RALGAPB: variants seen among roughly 807,000 people sequenced by gnomAD.
RALGAPB encodes the protein Ral GTPase activating protein non-catalytic subunit beta.
A neutral mutation model predicts 161.1 loss-of-function variants in RALGAPB; 25 were observed. That is an observed-to-expected ratio of 0.16 (90% CI 0.11 to 0.22). The LOEUF (loss-of-function observed/expected upper bound fraction) is 0.22, where lower values mean the gene tolerates loss of function less well. RALGAPB is among the 10% of genes least tolerant of loss of function. The probability of loss-of-function intolerance (pLI) is 1.00; values close to 1 mark genes in which losing one functional copy is unlikely to be tolerated. For missense variants in RALGAPB, 1,391 were observed against 1,815.2 expected (o/e 0.77, Z 4.25); for synonymous variants, 629 against 626.1 (o/e 1.00, Z -0.07).
intron 26 of RALGAPB, chr20:38,569,581 A>G (rs1395188547): frequency 4.1e-6 from 1 of 242,798 alleles, no homozygotes; most frequent in Non-Finnish European, 8.2e-6. Flanking sequence ...ATAGACTCAA[A>G]TCTTTTAAGC....
chr20:38,544,022 G>GT (rs1162710441), intron 18 of RALGAPB, among the ~76,000 whole-genome samples: 3 of 152,086 alleles, frequency 2.0e-5, no homozygotes, highest in East Asian at 1.9e-4. Flanking sequence ...AGCTGGTTAG[G>GT]TTTTTTTTCC....
chr20:38,517,242 A>G (rs1371408299), intron 7 of RALGAPB, among the ~76,000 whole-genome samples: 3 of 152,190 alleles, frequency 2.0e-5, no homozygotes, highest in Non-Finnish European at 2.9e-5. Context: ...ACAGTCACCA[A>G]CTTCTTTATG....
chr20:38,483,837 G>A (rs1033000909), intron 1 of RALGAPB, among the ~76,000 whole-genome samples: 7 of 152,132 alleles, frequency 4.6e-5, no homozygotes, highest in African/African-American at 1.4e-4. Context: ...GGATCTCCAA[G>A]GTTTGTTGCT....
rs537819536 is a variant in RALGAPB at position 38,559,414 on chromosome 20, G to A, written c.3531+961G>A. On this transcript the variant is annotated intron_variant, in intron 23 of 29. Transcript: ENST00000262879. ...ATAAAGGAGAAAAACAGAAGGACTG[G>A]CCGGGTGTGGTGGCTCACGCCTGTA... 2.6e-5 allele frequency among the ~76,000 whole-genome samples: 4 copies of A among 152,350 alleles called. No homozygotes were observed. In the East Asian group the frequency reaches 7.7e-4, roughly 29 times the overall value.
At position 38,493,043 on chromosome 20, in the gene RALGAPB, A is replaced by G. The variant is rs765520894; in HGVS notation, c.300A>G (p.Pro100=). ...YTDWIMALVL[P]KDSIPLPVIK... is the part of the protein sequence containing the mutation. The stretch of plus-strand genomic sequence containing the variant: ...ACTGGATTATGGCTTTAGTGTTGCC[A>G]AAAGATTCTATTCCATTGCCAGTTA... Residue 100 remains proline, a synonymous_variant, in exon 3 of 30, where the codon CCA becomes CCG. Transcript: ENST00000262879. 3.7e-6 allele frequency: 6 copies of G among 1,611,620 alleles called. No homozygotes were observed. The highest frequency in any genetic ancestry group is 4.2e-6 in the Non-Finnish European group (5 of 1,178,006).
At chr20:38,558,584 G>C (rs911882288) in intron 23 of RALGAPB, 131 bp downstream of exon 23, 2 of 780,886 alleles carry the variant, frequency 2.6e-6, no homozygotes, top group African/African-American at 3.6e-5. Flanking sequence ...CCTGGGAAGT[G>C]CTGGAAAGTG....
intron 28 of RALGAPB, among the ~76,000 whole-genome samples, chr20:38,573,469 G>A (rs2088316953): frequency 6.6e-6 from 1 of 152,106 alleles, no homozygotes; most frequent in Non-Finnish European, 1.5e-5. Context: ...CCTATCCCTG[G>A]TGTGTAATGA....
At chr20:38,553,254 C>G (rs550576654) in intron 21 of RALGAPB, among the ~76,000 whole-genome samples, 222 of 152,252 alleles carry the variant, frequency 1.5e-3, no homozygotes, top group Non-Finnish European at 2.3e-3. Context: ...AGGATCGTTA[C>G]TCACCCGGGA....
At chr20:38,549,577 CAT>C (rs1258660393) in intron 20 of RALGAPB, among the ~76,000 whole-genome samples, 31 of 75,276 alleles carry the variant, frequency 4.1e-4, no homozygotes, top group African/African-American at 7.4e-4. Flanking sequence ...CACACACACA[CAT>C]ACATATACAC....
At chr20:38,487,000 G>A (rs980705537) in intron 1 of RALGAPB, among the ~76,000 whole-genome samples, 2 of 152,154 alleles carry the variant, frequency 1.3e-5, no homozygotes, top group African/African-American at 4.8e-5. Flanking sequence ...ATGAGCTAAT[G>A]GCAGCTTTAT....
chr20:38,556,524 A>T (rs1023073394), intron 22 of RALGAPB, among the ~76,000 whole-genome samples: 2 of 152,148 alleles, frequency 1.3e-5, no homozygotes, highest in African/African-American at 4.8e-5. Flanking sequence ...TACAAAAATT[A>T]ATGATTATGT....
At chr20:38,523,489 T>C (rs1348365214) in intron 10 of RALGAPB, among the ~76,000 whole-genome samples, 1 of 152,212 alleles carries the variant, frequency 6.6e-6, no homozygotes. Flanking sequence ...AACAGATTCA[T>C]GAGAGGGCAA....
In RALGAPB at chr20:38,541,155, A is replaced by G; in HGVS notation, c.2677A>G (p.Met893Val). ...KGDKEPNPAS[M>V]RVKDAAEATL... ...AGATAAGGAGCCAAACCCTGCATCTATGAGGGTAAAGGATGCTGCTGAAGC... is the reference window on the plus strand; with the variant it reads ...AGATAAGGAGCCAAACCCTGCATCTGTGAGGGTAAAGGATGCTGCTGAAGC... The change falls in exon 18 of 30, where the codon ATG becomes GTG. Residue 893 changes from methionine (M) to valine (V), a missense_variant. Physicochemically the swap from Met to Val is conservative, Grantham distance 21. Around this residue, in one of 3 missense-constraint regions of RALGAPB, gnomAD observed 946 missense variants for 1,257.2 expected, o/e 0.75. Transcript: ENST00000262879. 6.2e-7 allele frequency: 1 copy of G among 1,614,142 alleles called. No homozygotes were observed. Among genetic ancestry groups the G allele is most frequent in the Non-Finnish European group, 8.5e-7 (1 of 1,179,988 alleles).
chr20:38,475,042 G>C (rs1343349127), intron 1 of RALGAPB, among the ~76,000 whole-genome samples: 1 of 152,162 alleles, frequency 6.6e-6, no homozygotes, highest in African/African-American at 2.4e-5. Flanking sequence ...CAATTGCAAG[G>C]CACTCTGTAA....
At chr20:38,476,919 C>T (rs1372554772) in intron 1 of RALGAPB, among the ~76,000 whole-genome samples, 2 of 152,184 alleles carry the variant, frequency 1.3e-5, no homozygotes, top group Non-Finnish European at 2.9e-5. Flanking sequence ...CACTTTCACA[C>T]CCTGGTACAG....
chr20:38,512,523 G>A (rs1244226268), intron 6 of RALGAPB, among the ~76,000 whole-genome samples: 1 of 152,254 alleles, frequency 6.6e-6, no homozygotes, highest in African/African-American at 2.4e-5. Flanking sequence ...GATGCCTAGT[G>A]CATGGTAGGT....
chr20:38,544,225 C>T (rs1316816958), intron 18 of RALGAPB, among the ~76,000 whole-genome samples: 1 of 152,168 alleles, frequency 6.6e-6, no homozygotes, highest in Non-Finnish European at 1.5e-5. Flanking sequence ...TAAAATCTCT[C>T]CCACTTCTAT....
chr20:38,575,235 G>A lies in RALGAPB; in HGVS notation c.*268G>A, dbSNP rs1047233742. ...CTTTCTTTTAAAAGTGACAATTTTA[G>A]TTAAACATAAGCCTTTTGAGGAGAA... is the stretch of plus-strand genomic sequence containing the variant. On this transcript the variant is annotated 3_prime_UTR_variant, in exon 30 of 30. Transcript: ENST00000262879. 1 of 351,496 alleles carries A rather than the reference G, an allele frequency of 2.8e-6. No homozygotes were observed. The highest frequency in any genetic ancestry group is 5.2e-6 in the Non-Finnish European group (1 of 193,590). 21.8% of individuals were successfully genotyped at this position (351,496 alleles called of 1,614,324 possible). A position where few individuals can be genotyped will look rare whatever the true frequency, so the allele number is the denominator to read the frequency against.
At chr20:38,568,262 CA>C (rs11479909) in intron 26 of RALGAPB, among the ~76,000 whole-genome samples, 16,996 of 140,076 alleles carry the variant, frequency 0.12, 2,588 homozygotes, top group African/African-American at 0.36. Flanking sequence ...AAAACAAAAA[CA>C]AAAAAAAAAC....
Sources: allele counts gnomAD v4.1 joint callset (sites outside exome capture counted in the v4.1 genomes callset), GRCh38; gene constraint gnomAD v4.1.1; regional missense constraint gnomAD v4.1.1; transcripts MANE v1.5; gene names NCBI Gene and HGNC (gene_info 2026-07-23, HGNC 2026-07-21).